The following CNTN5 variants were observed in gnomAD, a reference collection of about 807,000 sequenced individuals.
CNTN5 encodes the protein contactin-5.
Under a neutral mutation model 129.1 loss-of-function variants are expected in CNTN5, and 77 were observed. That is an observed-to-expected ratio of 0.60 (90% CI 0.50 to 0.72). The LOEUF is 0.72. CNTN5 is among the 30% of genes least tolerant of loss of function. The probability of loss-of-function intolerance (pLI) is 0.00; values close to 1 mark genes in which losing one functional copy is unlikely to be tolerated. For synonymous variants in CNTN5, 509 were observed against 465.6 expected (o/e 1.09, Z -1.20); for missense variants, 1,478 against 1,328.8 (o/e 1.11, Z -1.75).
At chr11:99,322,928 A>G (rs186889725) in intron 1 of CNTN5, among the ~76,000 whole-genome samples, 2 of 152,298 alleles carry the variant, frequency 1.3e-5, no homozygotes, top group East Asian at 3.9e-4. Context: ...ATGTATGTTG[A>G]CCTATGGTGT....
chr11:99,125,901 TC>T (rs1858602927), intron 1 of CNTN5, among the ~76,000 whole-genome samples: 1 of 152,158 alleles, frequency 6.6e-6, no homozygotes, highest in African/African-American at 2.4e-5. Context: ...CATTAAGTAA[TC>T]TACAAAATGA....
At chr11:99,622,124 G>A (rs1950970875) in intron 3 of CNTN5, among the ~76,000 whole-genome samples, 1 of 152,114 alleles carries the variant, frequency 6.6e-6, no homozygotes, top group Non-Finnish European at 1.5e-5. Flanking sequence ...CTAGTACTTG[G>A]CTAAGTGAAA....
chr11:100,192,669 A>G (rs1948526881), intron 14 of CNTN5, among the ~76,000 whole-genome samples: 1 of 152,050 alleles, frequency 6.6e-6, no homozygotes, highest in Admixed American at 6.6e-5. Context: ...TTTAAAACAC[A>G]TCATCTTGTA....
intron 1 of CNTN5, among the ~76,000 whole-genome samples, chr11:99,057,918 T>C (rs6589874): frequency 0.084 from 12,764 of 151,784 alleles, 1,765 homozygotes; most frequent in African/African-American, 0.29. Context: ...GAAGGTTGTA[T>C]TTAAACAGAC....
chr11:99,273,092 G>A (rs540313325), intron 1 of CNTN5, among the ~76,000 whole-genome samples: 24 of 151,724 alleles, frequency 1.6e-4, no homozygotes, highest in African/African-American at 4.8e-4. Context: ...AGAGTGTCAC[G>A]GAAAGAAAAA....
chr11:99,190,019 G>T (rs2100834), intron 1 of CNTN5, among the ~76,000 whole-genome samples: 31,934 of 151,396 alleles, frequency 0.21, 3,449 homozygotes, highest in Middle Eastern at 0.26. Flanking sequence ...TATTTTTCTA[G>T]TAGTTTTATA....
At chr11:99,321,707 T>C (rs2135998067) in intron 1 of CNTN5, among the ~76,000 whole-genome samples, 1 of 152,268 alleles carries the variant, frequency 6.6e-6, no homozygotes, top group African/African-American at 2.4e-5. Context: ...TCCACCTTGA[T>C]TGATTGATTG....
At chr11:99,360,598 T>G (rs1939038256) in intron 2 of CNTN5, among the ~76,000 whole-genome samples, 1 of 152,120 alleles carries the variant, frequency 6.6e-6, no homozygotes, top group Non-Finnish European at 1.5e-5. Flanking sequence ...GAGTCATACT[T>G]GAGTTTTGCC....
chr11:100,281,071 T>C (rs1205766386), intron 18 of CNTN5, among the ~76,000 whole-genome samples: 2 of 152,170 alleles, frequency 1.3e-5, no homozygotes, highest in African/African-American at 4.8e-5. Flanking sequence ...GTAGTTATTA[T>C]TTTTTATTGG....
intron 1 of CNTN5, among the ~76,000 whole-genome samples, chr11:99,241,949 ATTTATC>A (rs1861582818): frequency 6.6e-6 from 1 of 151,918 alleles, no homozygotes; most frequent in African/African-American, 2.4e-5. Flanking sequence ...CACACACACA[ATTTATC>A]TTTATCATTT....
At chr11:100,256,037 A>G in intron 17 of CNTN5, 119 bp downstream of exon 17, 1 of 846,442 alleles carries the variant, frequency 1.2e-6, no homozygotes, top group Non-Finnish European at 1.8e-6. Flanking sequence ...GTTATTTCTT[A>G]CAATATTGAC....
At chr11:100,302,390 T>C (rs1835563117) in intron 20 of CNTN5, among the ~76,000 whole-genome samples, 1 of 151,612 alleles carries the variant, frequency 6.6e-6, no homozygotes. Context: ...AGCGAAATTG[T>C]ATTTCTCCAA....
chr11:100,267,667 GA>G (rs1471630295), intron 17 of CNTN5, among the ~76,000 whole-genome samples: 1 of 152,138 alleles, frequency 6.6e-6, no homozygotes, highest in Non-Finnish European at 1.5e-5. Flanking sequence ...GGCAGGAGCA[GA>G]ATGAGGTTTA....
chr11:99,384,597 T>A (rs1386625160), intron 2 of CNTN5, among the ~76,000 whole-genome samples: 6 of 152,200 alleles, frequency 3.9e-5, no homozygotes, highest in African/African-American at 1.4e-4. Flanking sequence ...TTCTATAAAC[T>A]GAAAGTGTCA....
chr11:100,322,675 G>A (rs1196295129), intron 21 of CNTN5, among the ~76,000 whole-genome samples: 1 of 152,014 alleles, frequency 6.6e-6, no homozygotes, highest in Non-Finnish European at 1.5e-5. Flanking sequence ...TTACCATATT[G>A]AGTCTCCTAA....
chr11:99,068,163 A>C, intron 1 of CNTN5, among the ~76,000 whole-genome samples: 1 of 152,286 alleles, frequency 6.6e-6, no homozygotes, highest in African/African-American at 2.4e-5. Flanking sequence ...AGTCTCCAGC[A>C]GTTCTTTATA....
chr11:99,384,819 C>T (rs1167307334), intron 2 of CNTN5, among the ~76,000 whole-genome samples: 1 of 152,064 alleles, frequency 6.6e-6, no homozygotes. Context: ...GATATGTCTA[C>T]TCTGTGGAAT....
At chr11:100,319,262 C>T (rs918124062) in intron 21 of CNTN5, among the ~76,000 whole-genome samples, 4 of 151,830 alleles carry the variant, frequency 2.6e-5, no homozygotes, top group Non-Finnish European at 5.9e-5. Context: ...AAGCAATTCT[C>T]CTGCCTCAGC....
At chr11:100,238,239 T>C (rs868078957) in intron 16 of CNTN5, among the ~76,000 whole-genome samples, 2 of 151,958 alleles carry the variant, frequency 1.3e-5, no homozygotes, top group South Asian at 4.1e-4. Flanking sequence ...TTCAGTAGTT[T>C]AATTAAAAAA....
Sources: allele counts gnomAD v4.1 joint callset (sites outside exome capture counted in the v4.1 genomes callset), GRCh38; gene constraint gnomAD v4.1.1; transcripts MANE v1.5; gene names NCBI Gene and HGNC (gene_info 2026-07-23, HGNC 2026-07-21).